The following PRIM2 variants were observed in gnomAD, a reference collection of about 807,000 sequenced individuals.
The protein encoded by PRIM2 is DNA primase subunit 2.
In PRIM2, 39 loss-of-function variants were observed where a neutral mutation model predicts 67.3. The ratio of observed to expected loss-of-function variants is 0.58; its 90% CI spans 0.45 to 0.76. The LOEUF is 0.76. Ranked by LOEUF, PRIM2 falls within the 30% of genes least tolerant of loss-of-function variation. The pLI, the probability that PRIM2 is intolerant of heterozygous loss-of-function variation, is 0.00. For synonymous variants in PRIM2, 143 were observed against 198.7 expected (o/e 0.72, Z 2.36); for missense variants, 398 against 598.7 (o/e 0.66, Z 3.50).
intron 7 of PRIM2, among the ~76,000 whole-genome samples, chr6:57,458,002 C>CTTGG (rs1208998862): frequency 2.0e-5 from 3 of 152,162 alleles, no homozygotes; most frequent in African/African-American, 7.2e-5. Flanking sequence ...TTCATTCAGC[C>CTTGG]TTGGCATTTA....
chr6:57,395,058 G>T (rs1299194483), intron 7 of PRIM2, among the ~76,000 whole-genome samples: 13 of 152,108 alleles, frequency 8.5e-5, no homozygotes, highest in Non-Finnish European at 1.8e-4. Flanking sequence ...GTTGTATTCG[G>T]TTAGCTAGTA....
At chr6:57,609,156 A>C (rs1776619353) in intron 12 of PRIM2, among the ~76,000 whole-genome samples, 1 of 152,230 alleles carries the variant, frequency 6.6e-6, no homozygotes, top group African/African-American at 2.4e-5. Flanking sequence ...ATCCTAGAGT[A>C]TGCATGGTGG....
chr6:57,574,628 T>C (rs1210862437), intron 10 of PRIM2, among the ~76,000 whole-genome samples: 3 of 151,202 alleles, frequency 2.0e-5, no homozygotes, highest in African/African-American at 7.3e-5. Flanking sequence ...ACCAACAATA[T>C]TTAGTGTGCC....
Position 57,516,158 on chromosome 6 carries a change from G to A in PRIM2, c.761+8704G>A, listed in dbSNP as rs1554348235. 1.3e-3 allele frequency among the ~76,000 whole-genome samples: 194 copies of A among 151,796 alleles called. 4 individuals carry two copies. The East Asian group carries it at 0.015, about 12-fold the overall frequency. ...GAAAGTTTTCTGCTTTTAAAGGCCCGTGCGATTAGATCAGACTACAGGGAT... is the reference window on the plus strand; with the variant it reads ...GAAAGTTTTCTGCTTTTAAAGGCCCATGCGATTAGATCAGACTACAGGGAT... On this transcript the variant is annotated intron_variant, in intron 8 of 13. Transcript: ENST00000615550.
intron 7 of PRIM2, among the ~76,000 whole-genome samples, chr6:57,418,416 T>A (rs1214752934): frequency 5.7e-5 from 7 of 122,336 alleles, no homozygotes; most frequent in Middle Eastern, 4.2e-3. Context: ...TTTTTTTTTT[T>A]TAACAGATTC....
intron 5 of PRIM2, among the ~76,000 whole-genome samples, chr6:57,337,823 T>G (rs1198983201): frequency 6.6e-6 from 1 of 151,934 alleles, no homozygotes; most frequent in African/African-American, 2.4e-5. Flanking sequence ...CAGACAAATT[T>G]AAAAGGTAGC....
chr6:57,519,874 A>G (rs1774575320), intron 8 of PRIM2, among the ~76,000 whole-genome samples: 1 of 152,214 alleles, frequency 6.6e-6, no homozygotes, highest in African/African-American at 2.4e-5. Flanking sequence ...ATAAATGTCC[A>G]TGAAATCTTC....
chr6:57,410,528 T>G (rs1435017210), intron 7 of PRIM2, among the ~76,000 whole-genome samples: 1 of 152,084 alleles, frequency 6.6e-6, no homozygotes, highest in Non-Finnish European at 1.5e-5. Context: ...TAATAAGTTT[T>G]GAAATTAGGT....
At chr6:57,384,276 C>T (rs1438519661) in intron 7 of PRIM2, among the ~76,000 whole-genome samples, 2 of 152,188 alleles carry the variant, frequency 1.3e-5, no homozygotes, top group East Asian at 3.9e-4. Flanking sequence ...ATCTATTCCA[C>T]ATCTGTCTTC....
intron 10 of PRIM2, among the ~76,000 whole-genome samples, chr6:57,592,515 C>G (rs1419385585): frequency 6.6e-6 from 1 of 152,016 alleles, no homozygotes; most frequent in Non-Finnish European, 1.5e-5. Context: ...GAGTAGTAGG[C>G]CAGGCGTGAT....
intron 13 of PRIM2, among the ~76,000 whole-genome samples, chr6:57,632,936 A>G (rs1418719218): frequency 6.6e-6 from 1 of 152,234 alleles, no homozygotes; most frequent in East Asian, 1.9e-4. Flanking sequence ...AGTACAAAAA[A>G]GCCTGCTTGA....
At chr6:57,294,724 T>C in the PRIM2 span, among the ~76,000 whole-genome samples, 1 of 151,936 alleles carries the variant, frequency 6.6e-6, no homozygotes, top group African/African-American at 2.4e-5. Flanking sequence ...TGTATATTGA[T>C]TGAAAAAAGT....
intron 7 of PRIM2, among the ~76,000 whole-genome samples, chr6:57,470,153 G>T (rs1470541802): frequency 1.3e-5 from 2 of 152,126 alleles, no homozygotes; most frequent in Non-Finnish European, 2.9e-5. Context: ...ATTAGTATTT[G>T]AGCGTTGTGG....
chr6:57,516,073 C>T (rs1396196193), intron 8 of PRIM2, among the ~76,000 whole-genome samples: 1 of 151,592 alleles, frequency 6.6e-6, no homozygotes, highest in Non-Finnish European at 1.5e-5. Flanking sequence ...CATCTCAGAG[C>T]CTTCCCATGC....
chr6:57,474,350 T>G (rs1165459043), intron 7 of PRIM2, among the ~76,000 whole-genome samples: 9 of 151,544 alleles, frequency 5.9e-5, no homozygotes, highest in African/African-American at 1.9e-4. Flanking sequence ...AATTTTTTGT[T>G]TTTTTAGTAG....
intron 7 of PRIM2, among the ~76,000 whole-genome samples, chr6:57,488,479 G>T (rs1245896468): frequency 1.3e-5 from 2 of 152,186 alleles, no homozygotes; most frequent in Non-Finnish European, 2.9e-5. Flanking sequence ...ACTGTAATTA[G>T]TTCAAAAGTA....
chr6:57,486,396 C>T (rs1270512875), intron 7 of PRIM2, among the ~76,000 whole-genome samples: 494 of 152,322 alleles, frequency 3.2e-3, no homozygotes, highest in Non-Finnish European at 4.3e-3. Context: ...GGTTAAGAGA[C>T]TTATTCAAGG....
chr6:57,305,708 T>C, the PRIM2 span, among the ~76,000 whole-genome samples: 14,805 of 152,264 alleles, frequency 0.097, 805 homozygotes, highest in African/African-American at 0.14. Context: ...TAAACACAAA[T>C]AAGATGATTC....
At chr6:57,550,918 G>T (rs1188630170) in intron 10 of PRIM2, among the ~76,000 whole-genome samples, 4 of 152,192 alleles carry the variant, frequency 2.6e-5, no homozygotes, top group African/African-American at 9.6e-5. Flanking sequence ...TTCTTTGGAA[G>T]ATTTATTAAT....
Sources: gnomAD v4.1 joint callset for allele counts (sites outside exome capture counted in the v4.1 genomes callset) on GRCh38, gnomAD v4.1.1 for gene constraint, MANE v1.5 for transcripts, NCBI Gene and HGNC (gene_info 2026-07-23, HGNC 2026-07-21) for gene names.